TRHDE: variants seen among roughly 807,000 people sequenced by gnomAD.
The protein encoded by TRHDE is thyrotropin releasing hormone degrading enzyme.
A neutral mutation model predicts 125.7 loss-of-function variants in TRHDE; 72 were observed. The ratio of observed to expected loss-of-function variants is 0.57; its 90% CI spans 0.47 to 0.70. The LOEUF (loss-of-function observed/expected upper bound fraction) is 0.70, where lower values mean the gene tolerates loss of function less well. Among genes scored for constraint, TRHDE ranks in the 30% least tolerant of loss-of-function variants. The pLI, the probability that TRHDE is intolerant of heterozygous loss-of-function variation, is 0.00. For synonymous variants in TRHDE, 509 were observed against 509.1 expected (o/e 1.00, Z 0.00); for missense variants, 1,110 against 1,327.1 (o/e 0.84, Z 2.54).
chr12:72,434,473 A>G (rs1423107331), intron 3 of TRHDE, among the ~76,000 whole-genome samples: 1 of 151,366 alleles, frequency 6.6e-6, no homozygotes, highest in African/African-American at 2.4e-5. Flanking sequence ...TATAATTTTC[A>G]TCAGGTAAGT....
intron 2 of TRHDE, among the ~76,000 whole-genome samples, chr12:72,332,903 C>T (rs909347883): frequency 2.0e-5 from 3 of 152,152 alleles, no homozygotes; most frequent in East Asian, 1.9e-4. Flanking sequence ...TGAGGCAATT[C>T]ATTTGGACCT....
chr12:72,516,134 T>C (rs1328702328), intron 6 of TRHDE, among the ~76,000 whole-genome samples: 1 of 151,596 alleles, frequency 6.6e-6, no homozygotes, highest in Non-Finnish European at 1.5e-5. Context: ...CGGGCTCTTT[T>C]TTGGTTCCAT....
In TRHDE at chr12:72,098,087, C is replaced by T. The variant is rs191428775; in HGVS notation, n.175-7561C>T. 2.9e-3 allele frequency among the ~76,000 whole-genome samples: 446 copies of T among 151,760 alleles called. 5 individuals carry two copies. The highest frequency in any genetic ancestry group is 0.01 in the African/African-American group (429 of 41,364). On this transcript the variant is annotated intron_variant and non_coding_transcript_variant, in intron 1 of 4. Coordinates refer to the TRHDE transcript ENST00000548156. ...TTATAGAGATGAAGTCTCACTATGTCGCCCGGGCTTGTCTCAAACTCCTGA... is the reference window on the plus strand; with the variant it reads ...TTATAGAGATGAAGTCTCACTATGTTGCCCGGGCTTGTCTCAAACTCCTGA...
At chr12:72,637,519 T>G (rs1873817161) in intron 15 of TRHDE, among the ~76,000 whole-genome samples, 1 of 152,218 alleles carries the variant, frequency 6.6e-6, no homozygotes, top group Admixed American at 6.5e-5. Context: ...TCTGCTCTGA[T>G]TTTAGTTATT....
intron 6 of TRHDE, among the ~76,000 whole-genome samples, chr12:72,537,984 A>G (rs1331525372): frequency 6.6e-6 from 1 of 151,884 alleles, no homozygotes; most frequent in Admixed American, 6.6e-5. Context: ...CTCAGAGTAG[A>G]TTGTTGTTAT....
chr12:72,406,377 C>A (rs1873267073), intron 3 of TRHDE, among the ~76,000 whole-genome samples: 1 of 152,052 alleles, frequency 6.6e-6, no homozygotes, highest in South Asian at 2.1e-4. Flanking sequence ...AATCTCTTGG[C>A]TTGTAATATT....
intron 3 of TRHDE, among the ~76,000 whole-genome samples, chr12:72,433,945 G>T (rs556130408): frequency 2.0e-5 from 3 of 152,198 alleles, no homozygotes; most frequent in Admixed American, 2.0e-4. Flanking sequence ...CGTTGACTGA[G>T]AGCTGGTGGG....
intron 2 of TRHDE, among the ~76,000 whole-genome samples, chr12:72,236,212 C>G (rs1345017103): frequency 6.6e-6 from 1 of 151,992 alleles, no homozygotes; most frequent in Non-Finnish European, 1.5e-5. Flanking sequence ...AAAGATTAAG[C>G]CTATTCTTCT....
chr12:72,424,476 C>A (rs1874100099), intron 3 of TRHDE, among the ~76,000 whole-genome samples: 1 of 152,136 alleles, frequency 6.6e-6, no homozygotes, highest in African/African-American at 2.4e-5. Flanking sequence ...GCTGCCAGTG[C>A]CTTGCTTTTA....
At chr12:72,372,858 G>A (rs564569648) in intron 2 of TRHDE, among the ~76,000 whole-genome samples, 3 of 152,298 alleles carry the variant, frequency 2.0e-5, no homozygotes, top group African/African-American at 7.2e-5. Context: ...GCTTAGGATT[G>A]ACTTGGCGAT....
intron 3 of TRHDE, among the ~76,000 whole-genome samples, chr12:72,422,133 A>G (rs1873980590): frequency 6.6e-6 from 1 of 152,012 alleles, no homozygotes; most frequent in Admixed American, 6.6e-5. Flanking sequence ...TATATTATTA[A>G]TTTTTTATCT....
At chr12:72,180,256 G>GGACA (rs1396277150) in intron 2 of TRHDE, among the ~76,000 whole-genome samples, 2 of 151,938 alleles carry the variant, frequency 1.3e-5, no homozygotes, top group Non-Finnish European at 1.5e-5. Context: ...GAGTCAAATA[G>GGACA]GACATGCAGA....
At chr12:72,116,887 C>T (rs1350297145) in intron 2 of TRHDE, among the ~76,000 whole-genome samples, 2 of 151,748 alleles carry the variant, frequency 1.3e-5, no homozygotes, top group Non-Finnish European at 2.9e-5. Flanking sequence ...TTTTGGTGTG[C>T]CTTCTTTTGA....
chr12:72,255,546 C>A (rs1592501994), intron 2 of TRHDE: 1 of 152,258 alleles, frequency 6.6e-6, no homozygotes, highest in South Asian at 2.1e-4. Flanking sequence ...CCTGGAAAGG[C>A]AGCCCGCCCT....
intron 2 of TRHDE, among the ~76,000 whole-genome samples, chr12:72,238,383 T>A (rs10784956): frequency 0.44 from 22,612 of 51,556 alleles, 5,427 homozygotes; most frequent in Middle Eastern, 0.53. Flanking sequence ...ATATATATAT[T>A]TTTTTTTAAC....
At chr12:72,108,410 A>G (rs1384474692) in intron 2 of TRHDE, among the ~76,000 whole-genome samples, 1 of 152,118 alleles carries the variant, frequency 6.6e-6, no homozygotes, top group African/African-American at 2.4e-5. Flanking sequence ...TAGTTATAAT[A>G]TAATATGATA....
chr12:72,373,729 G>A (rs1871732092), intron 2 of TRHDE, among the ~76,000 whole-genome samples: 2 of 152,248 alleles, frequency 1.3e-5, no homozygotes, highest in South Asian at 4.2e-4. Context: ...GCTATCTAGG[G>A]GAAAACTCAA....
chr12:72,584,634 T>A (rs1048351559), intron 12 of TRHDE, among the ~76,000 whole-genome samples: 3 of 152,190 alleles, frequency 2.0e-5, no homozygotes, highest in African/African-American at 7.2e-5. Context: ...ATTCCACATA[T>A]AAGTGAGATT....
intron 2 of TRHDE, among the ~76,000 whole-genome samples, chr12:72,333,409 A>G (rs1275636328): frequency 2.0e-5 from 3 of 152,238 alleles, no homozygotes; most frequent in African/African-American, 7.2e-5. Flanking sequence ...GGAATAGGAG[A>G]GAGTAGTAAT....
Sources: allele counts gnomAD v4.1 joint callset (sites outside exome capture counted in the v4.1 genomes callset), GRCh38; gene constraint gnomAD v4.1.1; transcripts MANE v1.5; gene names NCBI Gene and HGNC (gene_info 2026-07-23, HGNC 2026-07-21).